AHI1: variants seen among roughly 807,000 people sequenced by gnomAD.
The protein encoded by AHI1 is jouberin.
Under a neutral mutation model 149.3 loss-of-function variants are expected in AHI1, and 123 were observed. The observed-to-expected ratio is 0.82, with a 90% CI of 0.71 to 0.96. The LOEUF is 0.96. Among genes scored for constraint, AHI1 ranks in the 40% least tolerant of loss-of-function variants. The pLI is 0.00. For synonymous variants in AHI1, 475 were observed against 459.8 expected (o/e 1.03, Z -0.42); for missense variants, 1,439 against 1,422.7 (o/e 1.01, Z -0.18).
intron 23 of AHI1, among the ~76,000 whole-genome samples, chr6:135,390,479 C>T (rs952739434): frequency 2.0e-5 from 3 of 152,078 alleles, no homozygotes; most frequent in African/African-American, 7.2e-5. Flanking sequence ...TACTCATAGC[C>T]AGAGGGCCCA....
intron 24 of AHI1, among the ~76,000 whole-genome samples, chr6:135,349,715 G>A (rs1285799240): frequency 6.6e-6 from 1 of 152,200 alleles, no homozygotes; most frequent in Admixed American, 6.5e-5. Flanking sequence ...CACTAGAGAT[G>A]TGCTTCATTT....
intron 5 of AHI1, chr6:135,474,442 C>T (rs1055855758): frequency 6.6e-6 from 1 of 151,974 alleles, no homozygotes; most frequent in African/African-American, 2.4e-5. Flanking sequence ...ATGATGCTAG[C>T]TGCATATTTT....
At chr6:135,309,487 T>G (rs989416141) in intron 26 of AHI1, among the ~76,000 whole-genome samples, 28 of 151,884 alleles carry the variant, frequency 1.8e-4, no homozygotes, top group Admixed American at 4.6e-4. Context: ...ACTTTAGTTT[T>G]TTTTTTTTTT....
chr6:135,481,603 T>C (rs1157802802), intron 5 of AHI1, among the ~76,000 whole-genome samples: 5 of 151,906 alleles, frequency 3.3e-5, no homozygotes, highest in Admixed American at 6.5e-5. Context: ...AAATATCTTT[T>C]AAAGAGATTT....
At position 135,435,260 on chromosome 6, in the gene AHI1, A is replaced by G. The variant is rs948995165; in HGVS notation, c.2037-2004T>C. On this transcript the variant is annotated intron_variant, in intron 15 of 28. Coordinates refer to ENST00000265602, the MANE Select transcript of AHI1 (RefSeq NM_001134831.2). Reference sequence around the variant, plus strand: ...ATTTTAATGATGTAAAGAGTCCTAAATTAGTATCAGTTTTAAAGATAAATA... The same window carrying G: ...ATTTTAATGATGTAAAGAGTCCTAAGTTAGTATCAGTTTTAAAGATAAATA... 3.3e-5 allele frequency: 5 copies of G among 152,206 alleles called. No homozygotes were observed. In the East Asian group the frequency reaches 7.7e-4, roughly 23 times the overall value. The allele number at this position is 152,206 out of a possible 1,614,324, so 9.4% of individuals were successfully genotyped here.
intron 5 of AHI1, among the ~76,000 whole-genome samples, chr6:135,470,138 C>T (rs1444978642): frequency 1.3e-5 from 2 of 151,960 alleles, no homozygotes; most frequent in South Asian, 2.1e-4. Flanking sequence ...CTAAACGACC[C>T]CACAAAAAAG....
At chr6:135,338,927 C>CTTT (rs143028763) in intron 24 of AHI1, among the ~76,000 whole-genome samples, 2 of 140,934 alleles carry the variant, frequency 1.4e-5, no homozygotes, top group African/African-American at 5.2e-5. Context: ...CTCATCTTTC[C>CTTT]TTTTTTTTTT....
chr6:135,348,501 C>T (rs1483727818), intron 24 of AHI1, among the ~76,000 whole-genome samples: 1 of 152,046 alleles, frequency 6.6e-6, no homozygotes, highest in Admixed American at 6.5e-5. Flanking sequence ...TGTTAAAGCA[C>T]AATAAACACT....
At chr6:135,459,008 T>C (rs1459894165) in intron 8 of AHI1, among the ~76,000 whole-genome samples, 3 of 152,106 alleles carry the variant, frequency 2.0e-5, no homozygotes, top group African/African-American at 7.2e-5. Context: ...ACCAAAAAAA[T>C]TAATAAGAAG....
At chr6:135,487,611 T>C (rs1331516720) in intron 5 of AHI1, among the ~76,000 whole-genome samples, 4 of 152,182 alleles carry the variant, frequency 2.6e-5, no homozygotes, top group African/African-American at 7.2e-5. Flanking sequence ...ATATACAGTG[T>C]ATAATAATCA....
intron 24 of AHI1, among the ~76,000 whole-genome samples, chr6:135,337,772 A>G (rs1223924516): frequency 6.7e-6 from 1 of 149,972 alleles, no homozygotes; most frequent in Non-Finnish European, 1.5e-5. Context: ...CTCAAAAAGA[A>G]AAAAAAAAAA....
In AHI1 at chr6:135,402,299, C is replaced by T. The variant is rs189980539; in HGVS notation, c.2988+2652G>A. Among the ~76,000 whole-genome samples, 266 of 152,194 alleles carry T rather than the reference C, an allele frequency of 1.7e-3. 1 individual carries two copies. The highest frequency in any genetic ancestry group is 6.2e-3 in the African/African-American group (258 of 41,518). On this transcript the variant is annotated intron_variant, in intron 22 of 28. Coordinates refer to ENST00000265602, the MANE Select transcript of AHI1 (RefSeq NM_001134831.2). The stretch of plus-strand genomic sequence containing the variant: ...TGTCAAACATAGTTACCATATTACC[C>T]AACAGTTCCACTCCTAGATACATAT...
At chr6:135,475,533 G>C (rs140125691) in intron 5 of AHI1, among the ~76,000 whole-genome samples, 22 of 152,192 alleles carry the variant, frequency 1.4e-4, no homozygotes, top group African/African-American at 4.8e-4. Context: ...TGGGGGTTTG[G>C]AGTCTGAGCA....
In AHI1 at chr6:135,391,701, T is replaced by C. The variant is rs562118111; in HGVS notation, c.3109+3075A>G. Reference sequence around the variant, plus strand: ...AAACCACTCCCCAGCCATACCAAGCTCTCTTCTAAGTATTGTTAAAAAAAA... The same window carrying C: ...AAACCACTCCCCAGCCATACCAAGCCCTCTTCTAAGTATTGTTAAAAAAAA... On this transcript the variant is annotated intron_variant, in intron 23 of 28. Coordinates refer to ENST00000265602, the MANE Select transcript of AHI1 (RefSeq NM_001134831.2). Among the ~76,000 whole-genome samples, 5 of 152,066 alleles carry C rather than the reference T, an allele frequency of 3.3e-5. No homozygotes were observed. The East Asian group carries it at 9.7e-4, about 29-fold the overall frequency.
chr6:135,367,311 C>T (rs1774329853), intron 23 of AHI1, among the ~76,000 whole-genome samples: 1 of 152,130 alleles, frequency 6.6e-6, no homozygotes, highest in African/African-American at 2.4e-5. Flanking sequence ...TTCATCTTGA[C>T]TTTAGATAAC....
chr6:135,307,984 T>C (rs915754923), intron 26 of AHI1, among the ~76,000 whole-genome samples: 2 of 151,982 alleles, frequency 1.3e-5, no homozygotes, highest in African/African-American at 2.4e-5. Context: ...AGTGCCGAGG[T>C]TGAGAAACCC....
At chr6:135,485,659 T>C (rs1462479741) in intron 5 of AHI1, among the ~76,000 whole-genome samples, 2 of 152,228 alleles carry the variant, frequency 1.3e-5, no homozygotes, top group African/African-American at 4.8e-5. Context: ...CTGTTAATTT[T>C]TGTATTTTTC....
At chr6:135,301,533 G>C (rs1783881422) in intron 26 of AHI1, 30 of 985,290 alleles carry the variant, frequency 3.0e-5, no homozygotes, top group Non-Finnish European at 3.6e-5. Context: ...GCAAGATTTG[G>C]CACTATCTTT....
chr6:135,448,335 T>C lies in AHI1; in HGVS notation c.1581A>G (p.Pro527=). Residue 527 remains proline (P), a synonymous_variant, in exon 12 of 29, where the codon CCA becomes CCG. Coordinates refer to ENST00000265602, the MANE Select transcript of AHI1 (RefSeq NM_001134831.2). ...WWSKCPRNHY[P]STLYVTVRGL... ...CTCTTACAGTTACGTACAGTGTTGA[T>C]GGGTAATGATTTCTTGGACATTTTG... The C allele has an allele frequency of 6.2e-7, 1 of 1,611,288 alleles. No homozygotes were observed. The highest frequency in any genetic ancestry group is 8.5e-7 in the Non-Finnish European group (1 of 1,178,184).
Sources: gnomAD v4.1 joint callset for allele counts (sites outside exome capture counted in the v4.1 genomes callset) on GRCh38, gnomAD v4.1.1 for gene constraint, MANE v1.5 for transcripts, NCBI Gene and HGNC (gene_info 2026-07-23, HGNC 2026-07-21) for gene names.